Variants in KHDRBS2 observed in about 807,000 individuals in gnomAD.
KHDRBS2 encodes the protein KH domain-containing, RNA-binding, signal transduction-associated protein 2.
KHDRBS2 carries 26 observed loss-of-function variants against 44.3 expected under a neutral mutation model. The observed-to-expected ratio is 0.59, with a 90% CI of 0.43 to 0.81. The LOEUF (loss-of-function observed/expected upper bound fraction) is 0.81. KHDRBS2 is among the 40% of genes least tolerant of loss of function. The pLI, the probability that KHDRBS2 is intolerant of heterozygous loss-of-function variation, is 0.00. For missense variants in KHDRBS2, 476 were observed against 433.1 expected, an observed-to-expected ratio of 1.10 and a Z score of -0.88; for synonymous variants, 194 against 151.1, an observed-to-expected ratio of 1.28 and a Z score of -2.08.
the KHDRBS2 span, among the ~76,000 whole-genome samples, chr6:61,640,772 GA>G: frequency 1.3e-5 from 2 of 152,120 alleles, no homozygotes; most frequent in African/African-American, 4.8e-5. Context: ...ACGATGTGAT[GA>G]AAACCTTTCT....
chr6:62,130,398 C>G (rs73758679), intron 2 of KHDRBS2, among the ~76,000 whole-genome samples: 1,544 of 152,212 alleles, frequency 0.01, 31 homozygotes, highest in African/African-American at 0.035. Flanking sequence ...AGTATACAAT[C>G]TTAGTTAAGT....
intron 2 of KHDRBS2, among the ~76,000 whole-genome samples, chr6:62,162,526 G>C (rs530216507): frequency 6.6e-6 from 1 of 152,196 alleles, no homozygotes; most frequent in Non-Finnish European, 1.5e-5. Flanking sequence ...AGGGGATAAT[G>C]GTTGGGAGAT....
intron 6 of KHDRBS2, among the ~76,000 whole-genome samples, chr6:61,778,510 C>T (rs978775113): frequency 1.3e-5 from 2 of 152,012 alleles, no homozygotes; most frequent in African/African-American, 4.8e-5. Flanking sequence ...ACATGACTTA[C>T]AGAGGAGAAT....
At chr6:62,245,479 C>T (rs1269704813) in intron 1 of KHDRBS2, among the ~76,000 whole-genome samples, 1 of 152,050 alleles carries the variant, frequency 6.6e-6, no homozygotes, top group Non-Finnish European at 1.5e-5. Context: ...CTACTTCAAG[C>T]AATTTTAGTT....
chr6:61,978,352 G>C, intron 3 of KHDRBS2, 140 bp from the exon 4 acceptor site: 1 of 575,246 alleles, frequency 1.7e-6, no homozygotes, highest in Admixed American at 4.0e-5. Flanking sequence ...GAAACCCTTT[G>C]AGAAATAAAA....
intron 3 of KHDRBS2, among the ~76,000 whole-genome samples, chr6:62,010,981 A>T (rs1780188557): frequency 1.3e-5 from 2 of 152,106 alleles, no homozygotes; most frequent in South Asian, 4.1e-4. Flanking sequence ...CAGAGATTTT[A>T]CTTTAAAGTG....
At chr6:61,632,538 T>C in the KHDRBS2 span, among the ~76,000 whole-genome samples, 1 of 152,116 alleles carries the variant, frequency 6.6e-6, no homozygotes, top group Non-Finnish European at 1.5e-5. Flanking sequence ...AATTTAGAAA[T>C]CAAAAAGTAA....
intron 2 of KHDRBS2, among the ~76,000 whole-genome samples, chr6:62,058,503 T>C (rs1790835900): frequency 6.6e-6 from 1 of 151,860 alleles, no homozygotes; most frequent in South Asian, 2.1e-4. Context: ...GCTCTATCCT[T>C]GTGTTTGTTG....
chr6:62,123,432 T>C (rs961246427), intron 2 of KHDRBS2, among the ~76,000 whole-genome samples: 2 of 152,230 alleles, frequency 1.3e-5, no homozygotes, highest in Non-Finnish European at 2.9e-5. Flanking sequence ...GATGGCTGCG[T>C]CAAACAGTAT....
chr6:62,031,529 C>G (rs1784341035), intron 3 of KHDRBS2, among the ~76,000 whole-genome samples: 1 of 151,996 alleles, frequency 6.6e-6, no homozygotes, highest in African/African-American at 2.4e-5. Context: ...AGTGTGAGTC[C>G]CAGGCCAGGA....
At chr6:62,165,933 A>G (rs1818594578) in intron 2 of KHDRBS2, among the ~76,000 whole-genome samples, 1 of 151,934 alleles carries the variant, frequency 6.6e-6, no homozygotes, top group East Asian at 1.9e-4. Flanking sequence ...TCCAAACAAA[A>G]ACTCGGTACC....
At chr6:61,998,768 G>T (rs1400300867) in intron 3 of KHDRBS2, among the ~76,000 whole-genome samples, 2 of 151,984 alleles carry the variant, frequency 1.3e-5, no homozygotes, top group Non-Finnish European at 2.9e-5. Context: ...TCCATTTGAA[G>T]TAATCTGCAA....
chr6:62,271,547 G>T (rs1840093806), intron 1 of KHDRBS2, among the ~76,000 whole-genome samples: 1 of 152,116 alleles, frequency 6.6e-6, no homozygotes, highest in Admixed American at 6.6e-5. Flanking sequence ...TCCATCAGGA[G>T]ATATTCCAGA....
At chr6:62,263,666 TTG>T (rs1838732627) in intron 1 of KHDRBS2, among the ~76,000 whole-genome samples, 2 of 151,758 alleles carry the variant, frequency 1.3e-5, no homozygotes, top group South Asian at 2.1e-4. Context: ...AGTGAATGCT[TTG>T]TGTTTCTTAT....
At chr6:61,690,554 T>A (rs1767286321) in intron 8 of KHDRBS2, among the ~76,000 whole-genome samples, 1 of 152,006 alleles carries the variant, frequency 6.6e-6, no homozygotes, top group South Asian at 2.1e-4. Flanking sequence ...TTGGGTAAAT[T>A]TTTTAAAAAG....
the KHDRBS2 span, among the ~76,000 whole-genome samples, chr6:61,596,977 T>A: frequency 6.6e-6 from 1 of 152,158 alleles, no homozygotes; most frequent in Admixed American, 6.6e-5. Flanking sequence ...GGGATGACTC[T>A]TAGGTGAAAC....
At chr6:62,139,575 TA>T (rs1812339889) in intron 2 of KHDRBS2, among the ~76,000 whole-genome samples, 1 of 151,712 alleles carries the variant, frequency 6.6e-6, no homozygotes. Flanking sequence ...AAAAGAAATT[TA>T]TATGTAATGA....
At chr6:62,081,862 A>C (rs1167122297) in intron 2 of KHDRBS2, among the ~76,000 whole-genome samples, 3 of 151,984 alleles carry the variant, frequency 2.0e-5, no homozygotes, top group Non-Finnish European at 1.5e-5. Flanking sequence ...AATTATATAT[A>C]ATATTATATA....
Position 61,913,557 on chromosome 6 carries a change from T to C in KHDRBS2, c.484-12186A>G, listed in dbSNP as rs946902950. On this transcript the variant is annotated intron_variant, in intron 4 of 8. Coordinates refer to ENST00000281156, the MANE Select transcript of KHDRBS2 (RefSeq NM_152688.4). ...AAACAAATATGCTTGCTTATTTATATATACGTTCTAGGTGATAAAAATACA... is the reference window on the plus strand; with the variant it reads ...AAACAAATATGCTTGCTTATTTATACATACGTTCTAGGTGATAAAAATACA... 4.6e-5 allele frequency among the ~76,000 whole-genome samples: 7 copies of C among 151,790 alleles called. No individual in the cohort carries two copies. The East Asian group carries it at 1.2e-3, about 25-fold the overall frequency.
Sources: gnomAD v4.1 joint callset for allele counts (sites outside exome capture counted in the v4.1 genomes callset) on GRCh38, gnomAD v4.1.1 for gene constraint, MANE v1.5 for transcripts, NCBI Gene and HGNC (gene_info 2026-07-23, HGNC 2026-07-21) for gene names.